ZCCHC14: variants seen among roughly 807,000 people sequenced by gnomAD.
ZCCHC14 encodes zinc finger CCHC domain-containing protein 14.
ZCCHC14 carries 16 observed loss-of-function variants against 85.0 expected under a neutral mutation model. The ratio of observed to expected loss-of-function variants is 0.19; its 90% CI spans 0.13 to 0.29. The LOEUF is 0.29. Among genes scored for constraint, ZCCHC14 ranks in the 10% least tolerant of loss-of-function variants. ZCCHC14 has a pLI of 1.00. For missense variants in ZCCHC14, 1,303 were observed against 1,443.5 expected (o/e 0.90, Z 1.58); for synonymous variants, 775 against 630.7 (o/e 1.23, Z -3.43).
At chr16:87,456,076 GA>G (rs1307139998) in intron 2 of ZCCHC14, among the ~76,000 whole-genome samples, 5 of 152,156 alleles carry the variant, frequency 3.3e-5, no homozygotes, top group Non-Finnish European at 5.9e-5. Flanking sequence ...TACTCACTGT[GA>G]AACTTTTTCA....
At chr16:87,438,650 A>G (rs945440915) in intron 2 of ZCCHC14, among the ~76,000 whole-genome samples, 11 of 152,262 alleles carry the variant, frequency 7.2e-5, no homozygotes, top group African/African-American at 2.4e-4. Flanking sequence ...AATGGTCCTA[A>G]TAAGTATAAA....
chr16:87,419,029 T>A, intron 6 of ZCCHC14, 128 bp from the exon 7 acceptor site: 1 of 818,898 alleles, frequency 1.2e-6, no homozygotes, highest in South Asian at 1.7e-5. Flanking sequence ...CGATCTCGGC[T>A]CACTGCAACC....
intron 3 of ZCCHC14, 57 bp from the exon 4 acceptor site, chr16:87,423,938 A>C (rs1909236097): frequency 6.3e-7 from 1 of 1,588,784 alleles, no homozygotes; most frequent in Non-Finnish European, 8.6e-7. Flanking sequence ...CTTGGTTCCC[A>C]GCACGTGTCC....
At chr16:87,419,479 T>A (rs2150727674) in intron 6 of ZCCHC14, among the ~76,000 whole-genome samples, 1 of 152,352 alleles carries the variant, frequency 6.6e-6, no homozygotes, top group African/African-American at 2.4e-5. Flanking sequence ...TTTTTTGTAT[T>A]TTTAGTAGAC....
At position 87,440,568 on chromosome 16, in the gene ZCCHC14, A is replaced by C. The variant is rs777998575; in HGVS notation, c.695-7367T>G. 7.7e-4 allele frequency among the ~76,000 whole-genome samples: 117 copies of C among 152,198 alleles called. 2 individuals are homozygous for C. The highest frequency in any genetic ancestry group is 1.8e-4 in the Non-Finnish European group (12 of 68,034). ...GGGAAGTATCCAGAGGTCACTGGCC[A>C]CATCCCAGACTATGCATAAACTGAT... is the stretch of plus-strand genomic sequence containing the variant. On this transcript the variant is annotated intron_variant, in intron 2 of 12. Coordinates refer to ENST00000671377, the MANE Select transcript of ZCCHC14 (RefSeq NM_015144.3).
chr16:87,439,234 A>G (rs1910072231), intron 2 of ZCCHC14, among the ~76,000 whole-genome samples: 1 of 151,930 alleles, frequency 6.6e-6, no homozygotes, highest in South Asian at 2.1e-4. Context: ...CCGAGGTTCA[A>G]GTGATTCTCC....
chr16:87,463,666 T>C (rs966916745), intron 1 of ZCCHC14, among the ~76,000 whole-genome samples: 4 of 151,994 alleles, frequency 2.6e-5, no homozygotes, highest in Non-Finnish European at 5.9e-5. Context: ...CTACTAAAAA[T>C]ACAAAAACTT....
At chr16:87,443,979 G>A (rs1479351072) in intron 2 of ZCCHC14, among the ~76,000 whole-genome samples, 1 of 141,606 alleles carries the variant, frequency 7.1e-6, no homozygotes, top group African/African-American at 2.6e-5. Context: ...GGAGATTACA[G>A]TGAGCCAAGA....
chr16:87,430,161 C>T (rs1399996311), intron 3 of ZCCHC14, among the ~76,000 whole-genome samples: 1 of 152,184 alleles, frequency 6.6e-6, no homozygotes, highest in Non-Finnish European at 1.5e-5. Context: ...TGTTTCCTCC[C>T]AGTAGTTTTT....
At chr16:87,467,218 G>A (rs1028865804) in intron 1 of ZCCHC14, 3 of 1,544,988 alleles carry the variant, frequency 1.9e-6, no homozygotes, top group Non-Finnish European at 2.7e-6. Context: ...AAGGAAACTC[G>A]AATGAGGACT....
intron 1 of ZCCHC14, among the ~76,000 whole-genome samples, chr16:87,477,002 G>A (rs60147720): frequency 0.19 from 28,443 of 151,262 alleles, 3,450 homozygotes; most frequent in South Asian, 0.59. Flanking sequence ...GTGCGTGCCT[G>A]TAATCCCAGC....
intron 2 of ZCCHC14, among the ~76,000 whole-genome samples, chr16:87,434,248 A>G (rs903843411): frequency 6.6e-6 from 1 of 152,250 alleles, no homozygotes; most frequent in Non-Finnish European, 1.5e-5. Flanking sequence ...TGCTCAAAAT[A>G]AAACAGCCGC....
chr16:87,435,949 T>A (rs1271740009), intron 2 of ZCCHC14, among the ~76,000 whole-genome samples: 1 of 152,244 alleles, frequency 6.6e-6, no homozygotes, highest in Non-Finnish European at 1.5e-5. Flanking sequence ...CTTTTATGTT[T>A]TTCTAAAGCA....
At chr16:87,458,575 G>A (rs1284631004) in intron 2 of ZCCHC14, among the ~76,000 whole-genome samples, 1 of 152,116 alleles carries the variant, frequency 6.6e-6, no homozygotes, top group Non-Finnish European at 1.5e-5. Context: ...TGGGGAAATG[G>A]GTCCTTCCTG....
chr16:87,463,667 A>G (rs998913874), intron 1 of ZCCHC14, among the ~76,000 whole-genome samples: 14 of 152,244 alleles, frequency 9.2e-5, no homozygotes, highest in African/African-American at 3.4e-4. Context: ...TACTAAAAAT[A>G]CAAAAACTTG....
At position 87,421,857 on chromosome 16, in the gene ZCCHC14, T is replaced by C. The variant is rs1294065859; in HGVS notation, c.841-1141A>G. On this transcript the variant is annotated intron_variant, in intron 4 of 12. Coordinates refer to ENST00000671377, the MANE Select transcript of ZCCHC14 (RefSeq NM_015144.3). ...AAGAGGTGTTGACCCTTTCCAGGCA[T>C]AAATCTCGCTCTCCTCCGGCTCCAC... is the stretch of plus-strand genomic sequence containing the variant. Among the ~76,000 whole-genome samples the C allele has an allele frequency of 2.0e-5, 3 of 151,896 alleles. No individual in the cohort carries two copies. In the East Asian group the frequency reaches 5.8e-4, roughly 30 times the overall value.
At chr16:87,448,542 G>T (rs1910545471) in intron 2 of ZCCHC14, among the ~76,000 whole-genome samples, 1 of 152,094 alleles carries the variant, frequency 6.6e-6, no homozygotes, top group South Asian at 2.1e-4. Flanking sequence ...CATTTCAGAG[G>T]CTGAGCTTGG....
intron 2 of ZCCHC14, among the ~76,000 whole-genome samples, chr16:87,441,013 T>C (rs2095404272): frequency 6.6e-6 from 1 of 151,742 alleles, no homozygotes; most frequent in Admixed American, 6.6e-5. Context: ...AGTTTTTTTT[T>C]TTTTTTTGGA....
intron 8 of ZCCHC14, among the ~76,000 whole-genome samples, chr16:87,415,992 T>C (rs1908763599): frequency 6.6e-6 from 1 of 152,188 alleles, no homozygotes; most frequent in Admixed American, 6.5e-5. Context: ...AGTGGTGCGA[T>C]CTCGGCTCAC....
Sources: gnomAD v4.1 joint callset for allele counts (sites outside exome capture counted in the v4.1 genomes callset) on GRCh38, gnomAD v4.1.1 for gene constraint, MANE v1.5 for transcripts, NCBI Gene and HGNC (gene_info 2026-07-23, HGNC 2026-07-21) for gene names.